Variants in GRM8 observed in about 807,000 individuals in gnomAD.
The protein encoded by GRM8 is glutamate metabotropic receptor 8.
Under a neutral mutation model 87.2 loss-of-function variants are expected in GRM8, and 47 were observed. That is an observed-to-expected ratio of 0.54 (90% confidence interval 0.43 to 0.69). GRM8 has a LOEUF of 0.69. Among genes scored for constraint, GRM8 ranks in the 30% least tolerant of loss-of-function variants. The pLI, the probability that GRM8 is intolerant of heterozygous loss-of-function variation, is 0.00. For synonymous variants in GRM8, 396 were observed against 404.5 expected (o/e 0.98, Z 0.25); for missense variants, 1,019 against 1,139.2 (o/e 0.89, Z 1.52).
intron 2 of GRM8, among the ~76,000 whole-genome samples, chr7:127,211,654 G>A (rs1796216353): frequency 6.6e-6 from 1 of 152,158 alleles, no homozygotes; most frequent in Non-Finnish European, 1.5e-5. Context: ...CTTCATGGCT[G>A]GGATTACTGC....
At chr7:126,692,080 A>G (rs1468248031) in intron 7 of GRM8, among the ~76,000 whole-genome samples, 1 of 152,228 alleles carries the variant, frequency 6.6e-6, no homozygotes, top group African/African-American at 2.4e-5. Flanking sequence ...TGCTGAAAAG[A>G]AAGAGAACTG....
intron 6 of GRM8, among the ~76,000 whole-genome samples, chr7:126,877,430 G>A (rs1379190535): frequency 6.6e-6 from 1 of 152,142 alleles, no homozygotes; most frequent in East Asian, 1.9e-4. Context: ...CAACTCCTCA[G>A]TCACACTATC....
intron 3 of GRM8, among the ~76,000 whole-genome samples, chr7:126,924,207 C>T (rs916576801): frequency 6.6e-6 from 1 of 152,124 alleles, no homozygotes; most frequent in Non-Finnish European, 1.5e-5. Flanking sequence ...GGGACTGTAT[C>T]CCAACTGACA....
intron 7 of GRM8, among the ~76,000 whole-genome samples, chr7:126,703,723 C>T (rs145467501): frequency 0.013 from 1,993 of 152,206 alleles, 23 homozygotes; most frequent in Non-Finnish European, 0.022. Flanking sequence ...CCATACCTGG[C>T]TAATTTTTAA....
Position 126,633,133 on chromosome 7 carries a change from G to A in GRM8, c.1358-23635C>T, listed in dbSNP as rs150960329. On this transcript the variant is annotated intron_variant, in intron 7 of 10. Coordinates refer to ENST00000339582, the MANE Select transcript of GRM8 (RefSeq NM_000845.3). The stretch of plus-strand genomic sequence containing the variant: ...TATATTTTGGTAAACAATACACATC[G>A]TATCAATGGCTAATATATGCAAATT... Among the ~76,000 whole-genome samples, 57 of 152,008 alleles carry A rather than the reference G, an allele frequency of 3.7e-4. 1 individual carries two copies. Among genetic ancestry groups the A allele is most frequent in the African/African-American group, 1.1e-3 (45 of 41,472 alleles).
At chr7:127,102,474 T>G (rs1270630128) in intron 3 of GRM8, among the ~76,000 whole-genome samples, 2 of 152,144 alleles carry the variant, frequency 1.3e-5, no homozygotes. Flanking sequence ...ATGGGCCAGG[T>G]CCAGGGCCCC....
chr7:127,164,957 T>C (rs1045840711), intron 2 of GRM8, among the ~76,000 whole-genome samples: 4 of 151,684 alleles, frequency 2.6e-5, no homozygotes, highest in Non-Finnish European at 5.9e-5. Context: ...TGAATGAGTC[T>C]GAGATTGGCT....
In GRM8 at chr7:126,579,680, G is replaced by A. The variant is rs146971066; in HGVS notation, c.1494+29682C>T. 7.5e-3 allele frequency among the ~76,000 whole-genome samples: 1,142 copies of A among 152,206 alleles called. 3 individuals carry two copies. Among genetic ancestry groups the A allele is most frequent in the African/African-American group, 0.025 (1,018 of 41,536 alleles). ...TTTTTACTTGCCTTTCTTCTAGATCGCACCAGGAGTGTCCATAATTTGTCA... is the reference window on the plus strand; with the variant it reads ...TTTTTACTTGCCTTTCTTCTAGATCACACCAGGAGTGTCCATAATTTGTCA... On this transcript the variant is annotated intron_variant, in intron 8 of 10. Coordinates refer to ENST00000339582, the MANE Select transcript of GRM8 (RefSeq NM_000845.3).
In GRM8 at chr7:126,865,497, A is replaced by G. The variant is rs930886560; in HGVS notation, c.1156+37045T>C. Among the ~76,000 whole-genome samples, 11 of 152,216 alleles carry G rather than the reference A, an allele frequency of 7.2e-5. 1 individual carries two copies. Among genetic ancestry groups the G allele is most frequent in the Admixed American group, 6.5e-4 (10 of 15,290 alleles). ...TTTTAATATATACATAGCACAGCTCATCTATCAACATAACCAATTTTAGAA... is the reference window on the plus strand; with the variant it reads ...TTTTAATATATACATAGCACAGCTCGTCTATCAACATAACCAATTTTAGAA... On this transcript the variant is annotated intron_variant, in intron 6 of 10. Coordinates refer to ENST00000339582, the MANE Select transcript of GRM8 (RefSeq NM_000845.3).
intron 3 of GRM8, among the ~76,000 whole-genome samples, chr7:127,039,771 G>T (rs1404451623): frequency 9.8e-6 from 1 of 101,562 alleles, no homozygotes; most frequent in Non-Finnish European, 2.0e-5. Flanking sequence ...GGTAAGAGAG[G>T]GGAAGGGGAA....
intron 3 of GRM8, among the ~76,000 whole-genome samples, chr7:126,956,957 A>T (rs919297309): frequency 6.6e-6 from 1 of 152,222 alleles, no homozygotes; most frequent in Non-Finnish European, 1.5e-5. Context: ...TAATCTACGC[A>T]ATGAAAGACC....
intron 3 of GRM8, among the ~76,000 whole-genome samples, chr7:127,049,610 C>T (rs990908510): frequency 1.3e-5 from 2 of 152,092 alleles, no homozygotes; most frequent in African/African-American, 4.8e-5. Flanking sequence ...GGATTCCCAT[C>T]CTCATTAAGC....
intron 2 of GRM8, among the ~76,000 whole-genome samples, chr7:127,223,012 G>C (rs1012545345): frequency 6.6e-6 from 1 of 152,172 alleles, no homozygotes; most frequent in African/African-American, 2.4e-5. Flanking sequence ...AGAGGAACAA[G>C]AAGAAGAGCA....
intron 10 of GRM8, among the ~76,000 whole-genome samples, chr7:126,441,919 T>A (rs572823321): frequency 1.3e-5 from 2 of 152,088 alleles, no homozygotes; most frequent in Non-Finnish European, 2.9e-5. Context: ...TTGCTTATCC[T>A]TCTAGGTTAT....
intron 2 of GRM8, among the ~76,000 whole-genome samples, chr7:127,195,787 T>C (rs1795248308): frequency 6.6e-6 from 1 of 152,192 alleles, no homozygotes; most frequent in South Asian, 2.1e-4. Context: ...ACAGCATTCC[T>C]GCCACTGTTT....
chr7:127,053,339 T>C (rs1183165714), intron 3 of GRM8, among the ~76,000 whole-genome samples: 1 of 152,236 alleles, frequency 6.6e-6, no homozygotes, highest in Non-Finnish European at 1.5e-5. Context: ...ACAAATCCAT[T>C]GATCTGGCAT....
chr7:126,474,574 T>C (rs904444847), intron 9 of GRM8, among the ~76,000 whole-genome samples: 8 of 152,180 alleles, frequency 5.3e-5, no homozygotes, highest in Admixed American at 2.6e-4. Context: ...TACATGCATT[T>C]TTAATCCTTA....
intron 9 of GRM8, among the ~76,000 whole-genome samples, chr7:126,506,920 A>C (rs1322320690): frequency 6.6e-6 from 1 of 152,166 alleles, no homozygotes; most frequent in Non-Finnish European, 1.5e-5. Context: ...GTGAAGACAC[A>C]GATGCAAACT....
chr7:126,694,083 CTTATT>C (rs1809110722), intron 7 of GRM8, among the ~76,000 whole-genome samples: 1 of 151,610 alleles, frequency 6.6e-6, no homozygotes, highest in African/African-American at 2.4e-5. Flanking sequence ...CTATGTTTTT[CTTATT>C]TATTTATAAG....
Sources: allele counts gnomAD v4.1 joint callset (sites outside exome capture counted in the v4.1 genomes callset), GRCh38; gene constraint gnomAD v4.1.1; transcripts MANE v1.5; gene names NCBI Gene and HGNC (gene_info 2026-07-23, HGNC 2026-07-21).